The following THOP1 variants were observed in gnomAD, a reference collection of about 807,000 sequenced individuals.
THOP1 encodes thimet oligopeptidase.
A neutral mutation model predicts 71.8 loss-of-function variants in THOP1; 49 were observed. That is an observed-to-expected ratio of 0.68 (90% CI 0.54 to 0.87). The LOEUF is 0.87. THOP1 is among the 40% of genes least tolerant of loss of function. The pLI is 0.00. For synonymous variants in THOP1, 426 were observed against 421.5 expected, an observed-to-expected ratio of 1.01 and a Z score of -0.13; for missense variants, 843 against 975.6, an observed-to-expected ratio of 0.86 and a Z score of 1.81.
intron 5 of THOP1, among the ~76,000 whole-genome samples, chr19:2,800,088 G>C (rs77632499): frequency 0.027 from 4,049 of 152,328 alleles, 170 homozygotes; most frequent in African/African-American, 0.09. Flanking sequence ...GGCCGGACGG[G>C]GTGGCCAAGG....
At chr19:2,788,820 G>T (rs1915809617) in intron 1 of THOP1, among the ~76,000 whole-genome samples, 1 of 151,976 alleles carries the variant, frequency 6.6e-6, no homozygotes, top group African/African-American at 2.4e-5. Flanking sequence ...GAGTGCAGTG[G>T]TGCAATCTCA....
chr19:2,813,027 C>T, intron 12 of THOP1, 88 bp from the exon 13 acceptor site: 1 of 1,451,406 alleles, frequency 6.9e-7, no homozygotes, highest in Non-Finnish European at 9.2e-7. Flanking sequence ...CTCCGAGGCC[C>T]CCCTGGGCGA....
intron 9 of THOP1, 89 bp from the exon 10 acceptor site, chr19:2,810,215 T>G (rs1916421803): frequency 1.4e-6 from 2 of 1,481,010 alleles, no homozygotes; most frequent in East Asian, 2.3e-5. Flanking sequence ...ACTCGCCCTG[T>G]TTGCACTGTG....
At chr19:2,810,220 A>T in intron 9 of THOP1, 84 bp from the exon 10 acceptor site, 1 of 1,505,164 alleles carries the variant, frequency 6.6e-7, no homozygotes, top group Non-Finnish European at 8.9e-7. Flanking sequence ...CCCTGTTTGC[A>T]CTGTGGCAGC....
In THOP1 at chr19:2,790,361, C is replaced by T. The variant is rs1329633051; in HGVS notation, c.17-60C>T. 4.1e-6 allele frequency: 6 copies of T among 1,451,572 alleles called. No homozygotes were observed. In the East Asian group the frequency reaches 1.2e-4, roughly 29 times the overall value. The allele number at this position is 1,451,572 out of a possible 1,614,324, so 89.9% of individuals were successfully genotyped here. On this transcript the variant is annotated intron_variant, in intron 1 of 12. Coordinates refer to ENST00000307741, the MANE Select transcript of THOP1 (RefSeq NM_003249.5). The stretch of plus-strand genomic sequence containing the variant: ...CCTTCCTTTCCCTCTGCCCTCCTGA[C>T]TTTGACCCTAACTGAACCGAAAGCA...
At position 2,790,641 on chromosome 19, in the gene THOP1, C is replaced by T. The variant is rs1915854611; in HGVS notation, c.229+8C>T. 1 of 1,537,338 alleles carries T rather than the reference C, an allele frequency of 6.5e-7. No individual in the cohort carries two copies. Among genetic ancestry groups the T allele is most frequent in the Non-Finnish European group, 8.8e-7 (1 of 1,142,608 alleles). ...TGGAGGTCACCTACACAGGTAAGTCCCAGGCAGGGTCTGTGCGTGGGCCGC... is the reference window on the plus strand; with the variant it reads ...TGGAGGTCACCTACACAGGTAAGTCTCAGGCAGGGTCTGTGCGTGGGCCGC... On this transcript the variant is annotated splice_region_variant and intron_variant, in intron 2 of 12. Transcript: ENST00000307741.
intron 8 of THOP1, 31 bp from the exon 9 acceptor site, chr19:2,808,212 C>T (rs756785216): frequency 6.5e-7 from 1 of 1,544,682 alleles, no homozygotes; most frequent in Non-Finnish European, 8.7e-7. Flanking sequence ...TCTCTAGTCC[C>T]TGCGGGGCCT....
intron 12 of THOP1, chr19:2,812,217 C>T (rs866822151): frequency 5.9e-6 from 9 of 1,522,856 alleles, no homozygotes; most frequent in South Asian, 2.4e-5. Context: ...CTATGAAGTG[C>T]GGCCGTTACG....
chr19:2,806,792 G>T (rs1916302104), intron 6 of THOP1, 125 bp from the exon 7 acceptor site: 1 of 1,525,354 alleles, frequency 6.6e-7, no homozygotes, highest in African/African-American at 1.4e-5. Flanking sequence ...CACAGGCCGA[G>T]AGGGGCAGGG....
rs1250653147 is a variant in THOP1 at position 2,806,805 on chromosome 19, C to T, written c.751-112C>T. On this transcript the variant is annotated intron_variant, in intron 6 of 12. Coordinates refer to ENST00000307741, the MANE Select transcript of THOP1 (RefSeq NM_003249.5). ...AACACAGGCCGAGAGGGGCAGGGAC[C>T]GGAGGTCAGACGGAGCTGGATATGA... 4.4e-5 allele frequency: 69 copies of T among 1,562,250 alleles called. 4 individuals carry two copies. The South Asian group carries it at 6.7e-4, about 15-fold the overall frequency.
intron 4 of THOP1, among the ~76,000 whole-genome samples, chr19:2,796,958 A>G (rs1228636734): frequency 6.6e-6 from 1 of 152,170 alleles, no homozygotes; most frequent in Non-Finnish European, 1.5e-5. Flanking sequence ...AGTCAAGCGT[A>G]GTGTGTTAGC....
At chr19:2,790,031 G>A (rs1915839620) in intron 1 of THOP1, 2 of 161,714 alleles carry the variant, frequency 1.2e-5, no homozygotes, top group Non-Finnish European at 2.7e-5. Flanking sequence ...GGGATTACAG[G>A]CGTGAGCCAC....
intron 3 of THOP1, among the ~76,000 whole-genome samples, chr19:2,795,757 C>A (rs1266968860): frequency 6.6e-6 from 1 of 152,150 alleles, no homozygotes; most frequent in Non-Finnish European, 1.5e-5. Context: ...GCCCAGGTCC[C>A]CAGTGATGAC....
At chr19:2,794,006 T>TTTTTTTTTTC (rs368100274) in intron 2 of THOP1, among the ~76,000 whole-genome samples, 1 of 151,094 alleles carries the variant, frequency 6.6e-6, no homozygotes, top group African/African-American at 2.4e-5. Flanking sequence ...TTTAAAGCTT[T>TTTTTTTTTTC]TTTTTTTTTC....
At position 2,807,446 on chromosome 19, in the gene THOP1, G is replaced by T. The variant is rs138224189; in HGVS notation, c.891G>T (p.Glu297Asp). The change falls in exon 8 of 13, where the codon GAG becomes GAT. Residue 297 changes from glutamate to aspartate, a missense_variant. Physicochemically the swap from Glu to Asp is conservative, Grantham distance 45. Transcript: ENST00000307741. Reference sequence around the variant, plus strand: ...ACCTTTCTGCCCTCCCCGCAGATGAGCTGGCGCAGAAGCTGAAGCCCCTGG... The same window carrying T: ...ACCTTTCTGCCCTCCCCGCAGATGATCTGGCGCAGAAGCTGAAGCCCCTGG... Reference protein sequence around the residue: ...TSQTVATFLDELAQKLKPLGE... With the variant: ...TSQTVATFLDDLAQKLKPLGE... 6.3e-7 allele frequency: 1 copy of T among 1,588,960 alleles called. No individual in the cohort carries two copies. The highest frequency in any genetic ancestry group is 1.1e-5 in the South Asian group (1 of 89,670).
rs1298171660 is a variant in THOP1 at position 2,808,464 on chromosome 19, G to T, written c.1455+20G>T. 2 of 1,444,664 alleles carry T rather than the reference G, an allele frequency of 1.4e-6. No individual in the cohort carries two copies. The highest frequency in any genetic ancestry group is 1.5e-5 in the African/African-American group (1 of 67,010). The allele number at this position is 1,444,664 out of a possible 1,614,324, so 89.5% of individuals were successfully genotyped here. A position where few individuals can be genotyped will look rare whatever the true frequency, so the allele number is the denominator to read the frequency against. On this transcript the variant is annotated intron_variant, in intron 9 of 12. Coordinates refer to ENST00000307741, the MANE Select transcript of THOP1 (RefSeq NM_003249.5). ...TCCCAGGTGGGTGCGGGCCCGGGCA[G>T]GGGCAGGGGCAGGGGCAGGGGCAGG...
chr19:2,807,577 T>C lies in THOP1; in HGVS notation c.1022T>C (p.Met341Thr). The C allele has an allele frequency of 1.9e-6, 3 of 1,612,556 alleles. No individual in the cohort carries two copies. The highest frequency in any genetic ancestry group is 2.5e-6 in the Non-Finnish European group (3 of 1,179,822). The change falls in exon 8 of 13, where the codon ATG (methionine) becomes ACG (threonine). Residue 341 changes from methionine (M) to threonine (T), a missense_variant. Coordinates refer to ENST00000307741, the MANE Select transcript of THOP1 (RefSeq NM_003249.5). ...RIRAWDMRYY[M>T]NQVEETRYCV... ...CGTGCCTGGGACATGCGCTACTACA[T>C]GAACCAGGTGGAGGAGACGCGCTAC...
rs534070510 is a variant in THOP1 at position 2,789,051 on chromosome 19, G to A, written c.17-1370G>A. On this transcript the variant is annotated intron_variant, in intron 1 of 12. Transcript: ENST00000307741. Reference sequence around the variant, plus strand: ...GCTGGGATTACAGGCGTGAGCCACCGTACCTGGCCAGGCCTGCCTATTTTT... The same window carrying A: ...GCTGGGATTACAGGCGTGAGCCACCATACCTGGCCAGGCCTGCCTATTTTT... Among the ~76,000 whole-genome samples, 10 of 152,268 alleles carry A rather than the reference G, an allele frequency of 6.6e-5. No homozygotes were observed. In the South Asian group the frequency reaches 1.7e-3, roughly 25 times the overall value.
chr19:2,793,421 G>C (rs1415976986), intron 2 of THOP1, among the ~76,000 whole-genome samples: 1 of 152,154 alleles, frequency 6.6e-6, no homozygotes, highest in Non-Finnish European at 1.5e-5. Context: ...GCCGGGTGCA[G>C]TGGCTCATGC....
Sources: gnomAD v4.1 joint callset for allele counts (sites outside exome capture counted in the v4.1 genomes callset) on GRCh38, gnomAD v4.1.1 for gene constraint, MANE v1.5 for transcripts, NCBI Gene and HGNC (gene_info 2026-07-23, HGNC 2026-07-21) for gene names.